Variants in SASS6 observed in about 807,000 individuals in gnomAD.
SASS6 encodes SAS-6 centriolar assembly protein.
In SASS6, 59 loss-of-function variants were observed where a neutral mutation model predicts 94.9. That is an observed-to-expected ratio of 0.62 (90% CI 0.50 to 0.77). The LOEUF (loss-of-function observed/expected upper bound fraction) is 0.77, where lower values mean the gene tolerates loss of function less well. Among genes scored for constraint, SASS6 ranks in the 30% least tolerant of loss-of-function variants. The pLI, the probability that SASS6 is intolerant of heterozygous loss-of-function variation, is 0.00. For missense variants in SASS6, 698 were observed against 734.1 expected (o/e 0.95, Z 0.57); for synonymous variants, 264 against 270.0 (o/e 0.98, Z 0.22).
rs1653036543 is a variant in SASS6 at position 100,107,952 on chromosome 1, G to A, written c.914C>T (p.Thr305Ile). Residue 305 changes from threonine (T) to isoleucine (I), a missense_variant, in exon 9 of 17, where the codon ACA (threonine) becomes ATA (isoleucine). By Grantham distance (89) the Thr-to-Ile change is moderately conservative. Transcript: ENST00000287482. The stretch of plus-strand genomic sequence containing the variant: ...TTTCTCGTGGCATTCAACATCTAGT[G>A]TAGAATTCTCTCTTCGCAAAGAGAG... ...EVLSLRRENS[T>I]LDVECHEKEK... 1 of 1,612,610 alleles carries A rather than the reference G, an allele frequency of 6.2e-7. No homozygotes were observed. Among genetic ancestry groups the A allele is most frequent in the South Asian group, 1.1e-5 (1 of 91,026 alleles).
rs189406196 is a variant in SASS6 at position 100,104,928 on chromosome 1, C to T, written c.1545+839G>A. On this transcript the variant is annotated intron_variant, in intron 13 of 16. Transcript: ENST00000287482. ...TGATCCCACCACTGCACTCCAGCCT[C>T]GGCAACAGAGTGAGGTCTTGTCTCA... 6.0e-3 allele frequency among the ~76,000 whole-genome samples: 915 copies of T among 151,626 alleles called. 6 individuals carry two copies. Among genetic ancestry groups the T allele is most frequent in the African/African-American group, 0.021 (869 of 41,380 alleles).
chr1:100,132,907 G>A lies in SASS6; in HGVS notation c.-93C>T, dbSNP rs1655202099. Reference sequence around the variant, plus strand: ...AGGTCCGGGTCCTGATAAAGTTTGAGTTTGGCGCTCGGCTTCTGCGGAGGA... The same window carrying A: ...AGGTCCGGGTCCTGATAAAGTTTGAATTTGGCGCTCGGCTTCTGCGGAGGA... On this transcript the variant is annotated 5_prime_UTR_variant, in exon 1 of 17. Coordinates refer to ENST00000287482, the MANE Select transcript of SASS6 (RefSeq NM_194292.3). The A allele has an allele frequency of 3.1e-6, 4 of 1,275,308 alleles. No individual in the cohort carries two copies. The highest frequency in any genetic ancestry group is 4.5e-6 in the Non-Finnish European group (4 of 887,034). 79.0% of individuals were successfully genotyped at this position (1,275,308 alleles called of 1,614,324 possible).
chr1:100,110,557 C>CAA, intron 7 of SASS6, 74 bp from the exon 8 acceptor site: 2 of 739,758 alleles, frequency 2.7e-6, no homozygotes. Context: ...AAGATTTGAA[C>CAA]AAAAAAAAAT....
chr1:100,124,723 C>A (rs936284088), intron 2 of SASS6, among the ~76,000 whole-genome samples: 1 of 152,136 alleles, frequency 6.6e-6, no homozygotes, highest in Non-Finnish European at 1.5e-5. Context: ...TGGCCCCCAA[C>A]CTTTTTGGCA....
intron 1 of SASS6, among the ~76,000 whole-genome samples, chr1:100,131,144 T>C (rs1264301072): frequency 6.6e-5 from 10 of 152,160 alleles, no homozygotes; most frequent in Non-Finnish European, 5.9e-5. Context: ...GGAGATACAA[T>C]GTAAGCCACA....
At chr1:100,093,169 GTTTT>G (rs1651863513) in intron 14 of SASS6, among the ~76,000 whole-genome samples, 2 of 119,242 alleles carry the variant, frequency 1.7e-5, no homozygotes, top group African/African-American at 6.3e-5. Flanking sequence ...AATACCTATT[GTTTT>G]CTTTTTTTTT....
At chr1:100,094,562 T>C (rs927871097) in intron 14 of SASS6, among the ~76,000 whole-genome samples, 1 of 151,956 alleles carries the variant, frequency 6.6e-6, no homozygotes, top group African/African-American at 2.4e-5. Context: ...TATCAGAAAA[T>C]TAACTCCAAG....
chr1:100,126,050 T>G (rs1470359498), intron 1 of SASS6, 108 bp from the exon 2 acceptor site: 2 of 604,998 alleles, frequency 3.3e-6, no homozygotes, highest in East Asian at 6.0e-5. Flanking sequence ...TCCACAGGTG[T>G]TCTCTAACTT....
chr1:100,084,665 CTT>C lies in SASS6; in HGVS notation c.*661_*662del, dbSNP rs1348160347. ...TTAGGAAGCACTGAAGTTTTAAAAA[CTT>C]GTCAGCTCAAATGACAAAAGCACTT... is the stretch of plus-strand genomic sequence containing the variant. On this transcript the variant is annotated 3_prime_UTR_variant, in exon 17 of 17. Coordinates refer to ENST00000287482, the MANE Select transcript of SASS6 (RefSeq NM_194292.3). 17 of 152,066 alleles carry C rather than the reference CTT, an allele frequency of 1.1e-4. No homozygotes were observed. Among genetic ancestry groups the C allele is most frequent in the African/African-American group, 3.9e-4 (16 of 41,446 alleles). The allele number at this position is 152,066 out of a possible 1,614,324, so 9.4% of individuals were successfully genotyped here. A position where few individuals can be genotyped will look rare whatever the true frequency, so the allele number is the denominator to read the frequency against.
chr1:100,130,702 AAAGAGAGAGAG>A (rs1654943823), intron 1 of SASS6, among the ~76,000 whole-genome samples: 1 of 151,162 alleles, frequency 6.6e-6, no homozygotes, highest in South Asian at 2.1e-4. Flanking sequence ...AAAAAAAAAA[AAAGAGAGAGAG>A]AAAGAGAGAG....
intron 7 of SASS6, among the ~76,000 whole-genome samples, chr1:100,116,420 C>T (rs1056135811): frequency 1.3e-5 from 2 of 152,080 alleles, no homozygotes; most frequent in Non-Finnish European, 2.9e-5. Context: ...ATTACATACC[C>T]ATAGAATGGC....
chr1:100,108,818 C>T (rs1653102854), intron 8 of SASS6, among the ~76,000 whole-genome samples: 1 of 152,044 alleles, frequency 6.6e-6, no homozygotes, highest in African/African-American at 2.4e-5. Context: ...ATAACAAATA[C>T]TTAATAAATT....
rs1456941686 is a variant in SASS6 at position 100,119,055 on chromosome 1, G to A, written c.632C>T (p.Ser211Phe). The change falls in exon 7 of 17, where the codon TCT becomes TTT. Residue 211 changes from serine (S) to phenylalanine (F), a missense_variant. Ser to Phe is a radical substitution (Grantham distance 155). Transcript: ENST00000287482. ...TTCCTTTTCATTTGTCAGTTCCTGAGAATGCTTGTTTGTCAAGGCTGCTGT... is the reference window on the plus strand; with the variant it reads ...TTCCTTTTCATTTGTCAGTTCCTGAAAATGCTTGTTTGTCAAGGCTGCTGT... ...SHTAALTNKHSQELTNEKEKA... is the reference protein window; with the variant it reads ...SHTAALTNKHFQELTNEKEKA... The A allele has an allele frequency of 1.8e-5, 29 of 1,588,942 alleles. No homozygotes were observed. The Admixed American group carries it at 4.9e-4, about 27-fold the overall frequency.
At chr1:100,119,191 T>C in intron 6 of SASS6, 54 bp from the exon 7 acceptor site, 1 of 1,029,108 alleles carries the variant, frequency 9.7e-7, no homozygotes, top group Non-Finnish European at 1.4e-6. Context: ...TATGTAATAA[T>C]TTTGATTAGA....
chr1:100,096,533 T>A (rs1164525994), intron 14 of SASS6, among the ~76,000 whole-genome samples: 1 of 152,186 alleles, frequency 6.6e-6, no homozygotes, highest in African/African-American at 2.4e-5. Context: ...AAAAGTTTGA[T>A]AAATTGCACT....
intron 1 of SASS6, 72 bp from the exon 2 acceptor site, chr1:100,126,014 G>C: frequency 1.3e-6 from 1 of 780,772 alleles, no homozygotes; most frequent in Non-Finnish European, 2.1e-6. Context: ...TTTGTATTAA[G>C]TTTTCAGTCT....
chr1:100,117,074 A>T (rs1013244192), intron 7 of SASS6, among the ~76,000 whole-genome samples: 6 of 152,054 alleles, frequency 3.9e-5, no homozygotes, highest in Non-Finnish European at 7.4e-5. Flanking sequence ...AGGGCAGATC[A>T]CCTAAGGTCA....
intron 14 of SASS6, among the ~76,000 whole-genome samples, chr1:100,094,339 A>G (rs1446890432): frequency 6.6e-6 from 1 of 152,230 alleles, no homozygotes; most frequent in African/African-American, 2.4e-5. Flanking sequence ...AAAAATTTCC[A>G]GACCCAGATG....
intron 15 of SASS6, among the ~76,000 whole-genome samples, 183 bp downstream of exon 15, chr1:100,087,955 CA>C (rs1651426989): frequency 6.6e-6 from 1 of 152,012 alleles, no homozygotes; most frequent in South Asian, 2.1e-4. Flanking sequence ...GAGGAGGAAA[CA>C]GAAAAAAGTA....
Sources: gnomAD v4.1 joint callset for allele counts (sites outside exome capture counted in the v4.1 genomes callset) on GRCh38, gnomAD v4.1.1 for gene constraint, MANE v1.5 for transcripts, NCBI Gene and HGNC (gene_info 2026-07-23, HGNC 2026-07-21) for gene names.